The following CTNNA2 variants were observed in gnomAD, a reference collection of about 807,000 sequenced individuals.
CTNNA2 encodes catenin alpha 2, also known as catenin alpha-2.
In CTNNA2, 42 loss-of-function variants were observed where a neutral mutation model predicts 101.0. That is an observed-to-expected ratio of 0.42 (90% confidence interval 0.32 to 0.54). CTNNA2 has a LOEUF of 0.54. Ranked by LOEUF, CTNNA2 falls within the 20% of genes least tolerant of loss-of-function variation. The probability of loss-of-function intolerance (pLI) is 0.14; values close to 1 mark genes in which losing one functional copy is unlikely to be tolerated. For missense variants in CTNNA2, 871 were observed against 1,223.1 expected (o/e 0.71, Z 4.29); for synonymous variants, 450 against 456.4 (o/e 0.99, Z 0.18).
intron 3 of CTNNA2, among the ~76,000 whole-genome samples, chr2:79,323,927 A>G (rs1184246028): frequency 6.6e-6 from 1 of 152,240 alleles, no homozygotes; most frequent in Non-Finnish European, 1.5e-5. Context: ...AGGAAAAATC[A>G]GCATTTAAGA....
intron 16 of CTNNA2, chr2:80,605,186 C>G (rs556780055): frequency 6.6e-6 from 1 of 151,850 alleles, no homozygotes; most frequent in Non-Finnish European, 1.5e-5. Context: ...CCATACTTTT[C>G]GTTTTATTTG....
At chr2:79,986,280 G>C (rs752546037) in intron 7 of CTNNA2, among the ~76,000 whole-genome samples, 54 of 152,228 alleles carry the variant, frequency 3.5e-4, no homozygotes, top group Non-Finnish European at 7.5e-4. Flanking sequence ...ACATTCCCCA[G>C]TAGCTGCTGA....
intron 13 of CTNNA2, among the ~76,000 whole-genome samples, chr2:80,577,044 G>A (rs1006269465): frequency 6.6e-6 from 1 of 152,070 alleles, no homozygotes; most frequent in Admixed American, 6.6e-5. Context: ...CTCTTAAGGT[G>A]TCTAGTTTTA....
intron 9 of CTNNA2, among the ~76,000 whole-genome samples, chr2:80,487,702 A>T (rs1686706380): frequency 6.6e-6 from 1 of 152,206 alleles, no homozygotes; most frequent in Non-Finnish European, 1.5e-5. Flanking sequence ...AAACCATATC[A>T]ATAGTATAAT....
chr2:79,904,033 A>G (rs985317759), intron 6 of CTNNA2, among the ~76,000 whole-genome samples: 2 of 152,132 alleles, frequency 1.3e-5, no homozygotes, highest in African/African-American at 4.8e-5. Flanking sequence ...TATTTTTCAT[A>G]TAATATGCCA....
intron 3 of CTNNA2, among the ~76,000 whole-genome samples, chr2:79,846,575 T>A (rs1477107402): frequency 2.6e-5 from 4 of 152,324 alleles, no homozygotes; most frequent in East Asian, 1.9e-4. Flanking sequence ...ATGGACTAAC[T>A]TGGGGACAGT....
chr2:79,601,057 C>T (rs1486988487), intron 1 of CTNNA2, among the ~76,000 whole-genome samples: 1 of 152,096 alleles, frequency 6.6e-6, no homozygotes, highest in Admixed American at 6.5e-5. Context: ...CACACCTACA[C>T]ACATGTGCAC....
intron 2 of CTNNA2, among the ~76,000 whole-genome samples, chr2:79,730,267 C>T (rs977370414): frequency 6.6e-6 from 1 of 152,026 alleles, no homozygotes; most frequent in Non-Finnish European, 1.5e-5. Context: ...GTGTAATGAG[C>T]TGAGCATACC....
At position 79,531,763 on chromosome 2, in the gene CTNNA2, C is replaced by A. The variant is rs957316943; in HGVS notation, c.-6+18556C>A. 2.0e-5 allele frequency among the ~76,000 whole-genome samples: 3 copies of A among 151,450 alleles called. No homozygotes were observed. In the South Asian group the frequency reaches 6.3e-4, roughly 32 times the overall value. On this transcript the variant is annotated intron_variant, in intron 1 of 18. Coordinates refer to ENST00000402739, the MANE Select transcript of CTNNA2 (RefSeq NM_001282597.3). ...ATGGCATGATCTCGGCTCACTGCAA[C>A]CTCCGTCTCCGAGGTTCAAGTGATT...
At position 79,842,565 on chromosome 2, in the gene CTNNA2, T is replaced by A. The variant is rs577722305; in HGVS notation, c.299-15448T>A. ...TATAAGTTTTTCTAACAGTACACCC[T>A]TGGCTTAGAGCTTCTCTTTGCATCA... On this transcript the variant is annotated intron_variant, in intron 3 of 18. Transcript: ENST00000402739. Among the ~76,000 whole-genome samples, 3 of 152,322 alleles carry A rather than the reference T, an allele frequency of 2.0e-5. No individual in the cohort carries two copies. In the South Asian group the frequency reaches 6.2e-4, roughly 32 times the overall value.
intron 7 of CTNNA2, among the ~76,000 whole-genome samples, chr2:80,152,699 T>TAA (rs35574251): frequency 0.023 from 3,362 of 143,914 alleles, 118 homozygotes; most frequent in African/African-American, 0.078. Flanking sequence ...TTATTGTACT[T>TAA]AAAAAAAAAA....
chr2:80,398,064 T>C (rs1303663486), intron 8 of CTNNA2, among the ~76,000 whole-genome samples: 1 of 152,204 alleles, frequency 6.6e-6, no homozygotes, highest in Non-Finnish European at 1.5e-5. Flanking sequence ...AACATGGTTC[T>C]TGTTTGTGAT....
intron 2 of CTNNA2, among the ~76,000 whole-genome samples, chr2:79,687,893 A>G (rs1684044541): frequency 6.6e-6 from 1 of 152,088 alleles, no homozygotes; most frequent in African/African-American, 2.4e-5. Flanking sequence ...TGAAGTCTAG[A>G]TTGTGCTTCA....
intron 3 of CTNNA2, among the ~76,000 whole-genome samples, chr2:79,342,067 G>C (rs1429844719): frequency 1.3e-5 from 2 of 152,122 alleles, no homozygotes; most frequent in Non-Finnish European, 2.9e-5. Context: ...ATAAACTGGG[G>C]CAGAGCAAGT....
chr2:80,542,160 C>T (rs1691622704), intron 9 of CTNNA2, among the ~76,000 whole-genome samples: 1 of 151,482 alleles, frequency 6.6e-6, no homozygotes, highest in South Asian at 2.1e-4. Flanking sequence ...AATAATAACT[C>T]CTCAGTATCA....
chr2:80,075,744 TA>T lies in CTNNA2; in HGVS notation c.1056+165952del, dbSNP rs545557509. Reference sequence around the variant, plus strand: ...AATATTTATACTTGTATAAATATTATAAAAATAATATTTATACTTGTATAAA... The same window carrying T: ...AATATTTATACTTGTATAAATATTATAAAATAATATTTATACTTGTATAAA... On this transcript the variant is annotated intron_variant, in intron 7 of 18. Coordinates refer to ENST00000402739, the MANE Select transcript of CTNNA2 (RefSeq NM_001282597.3). 8.0e-3 allele frequency among the ~76,000 whole-genome samples: 907 copies of T among 113,730 alleles called. 86 individuals are homozygous for T. The highest frequency in any genetic ancestry group is 0.045 in the African/African-American group (852 of 18,866). The allele number at this position is 113,730 out of a possible 152,430, so 74.6% of individuals were successfully genotyped here. A position where few individuals can be genotyped will look rare whatever the true frequency, so the allele number is the denominator to read the frequency against.
chr2:80,447,886 C>T (rs1327913649), intron 9 of CTNNA2, among the ~76,000 whole-genome samples: 1 of 152,186 alleles, frequency 6.6e-6, no homozygotes, highest in Non-Finnish European at 1.5e-5. Context: ...CAGAAGCTTG[C>T]TCATTCTTCC....
intron 7 of CTNNA2, among the ~76,000 whole-genome samples, chr2:80,371,730 A>C (rs1449383537): frequency 6.6e-6 from 1 of 152,172 alleles, no homozygotes; most frequent in Non-Finnish European, 1.5e-5. Context: ...GAGGCATGAA[A>C]GCACAGTCTA....
intron 7 of CTNNA2, among the ~76,000 whole-genome samples, chr2:80,190,902 A>T (rs1706459027): frequency 6.6e-6 from 1 of 152,148 alleles, no homozygotes; most frequent in Non-Finnish European, 1.5e-5. Flanking sequence ...GCTGTTGATT[A>T]TTCTTTATCC....
Sources: gnomAD v4.1 joint callset for allele counts (sites outside exome capture counted in the v4.1 genomes callset) on GRCh38, gnomAD v4.1.1 for gene constraint, MANE v1.5 for transcripts, NCBI Gene and HGNC (gene_info 2026-07-23, HGNC 2026-07-21) for gene names.